AZIN2: variants seen among roughly 807,000 people sequenced by gnomAD.
AZIN2 encodes the protein ODC antizyme inhibitor-2.
A neutral mutation model predicts 47.8 loss-of-function variants in AZIN2; 28 were observed. The ratio of observed to expected loss-of-function variants is 0.59; its 90% CI spans 0.43 to 0.80. AZIN2 has a LOEUF of 0.80. AZIN2 is among the 30% of genes least tolerant of loss of function. The pLI is 0.00. For missense variants in AZIN2, 535 were observed against 582.5 expected, an observed-to-expected ratio of 0.92 and a Z score of 0.84; for synonymous variants, 221 against 239.4, an observed-to-expected ratio of 0.92 and a Z score of 0.71.
the AZIN2 span, among the ~76,000 whole-genome samples, chr1:33,154,434 C>T: frequency 4.6e-5 from 7 of 152,256 alleles, no homozygotes; most frequent in African/African-American, 1.4e-4. Flanking sequence ...GCCAGCTTCT[C>T]ATTCTCTCTT....
At chr1:33,101,605 A>G (rs761727195) in intron 10 of AZIN2, among the ~76,000 whole-genome samples, 2 of 150,646 alleles carry the variant, frequency 1.3e-5, no homozygotes, top group Non-Finnish European at 2.9e-5. Flanking sequence ...TTTTCCTTTT[A>G]GAGTAATAAG....
intron 10 of AZIN2, among the ~76,000 whole-genome samples, chr1:33,111,733 C>T (rs1177039326): frequency 2.0e-5 from 3 of 151,884 alleles, no homozygotes; most frequent in Non-Finnish European, 4.4e-5. Context: ...TCCCAGGTAG[C>T]TGGGTTTACA....
rs1346857709 is a variant in AZIN2 at position 33,081,879 on chromosome 1, C to T, written c.-73+67C>T. The stretch of plus-strand genomic sequence containing the variant: ...ACCCAAGTTTCTCAGATTTTCTGTT[C>T]CATCTCTCTCTCACTCTTTCCTGAA... On this transcript the variant is annotated intron_variant, in intron 3 of 11. Coordinates refer to ENST00000294517, the MANE Select transcript of AZIN2 (RefSeq NM_052998.4). The surrounding 1 kb of genome is among the most constrained non-coding windows in gnomAD (Gnocchi z 4.2). The T allele has an allele frequency of 3.8e-6, 1 of 265,634 alleles. No individual in the cohort carries two copies. Among genetic ancestry groups the T allele is most frequent in the Non-Finnish European group, 7.4e-6 (1 of 134,550 alleles). 16.5% of individuals were successfully genotyped at this position (265,634 alleles called of 1,614,324 possible).
chr1:33,111,962 A>G (rs2124637327), intron 10 of AZIN2, among the ~76,000 whole-genome samples: 1 of 152,318 alleles, frequency 6.6e-6, no homozygotes, highest in South Asian at 2.1e-4. Context: ...TAAGGAAAAA[A>G]GCAACCCAAT....
chr1:33,146,983 AAC>A, the AZIN2 span: 1 of 623,276 alleles, frequency 1.6e-6, no homozygotes, highest in Non-Finnish European at 2.8e-6. Flanking sequence ...AGAGCTACAG[AAC>A]ATCGATGCTG....
At chr1:33,098,989 C>A (rs111795128) in intron 10 of AZIN2, among the ~76,000 whole-genome samples, 1 of 151,808 alleles carries the variant, frequency 6.6e-6, no homozygotes, top group African/African-American at 2.4e-5. Context: ...GGTCTCTAAC[C>A]CTTGACCTCA....
chr1:33,159,674 C>T, the AZIN2 span: 61,208 of 1,594,072 alleles, frequency 0.038, 1,408 homozygotes, highest in Non-Finnish European at 0.046. This position sits in a 1 kb window ranked among gnomAD's most constrained non-coding sequence, Gnocchi z 4.2. Context: ...AGGGCCCCGG[C>T]GGGTGGCACT....
At chr1:33,150,687 C>G in the AZIN2 span, among the ~76,000 whole-genome samples, 2 of 152,272 alleles carry the variant, frequency 1.3e-5, no homozygotes, top group East Asian at 3.9e-4. Flanking sequence ...AACCAGGGGG[C>G]CCCTGCCTGG....
At chr1:33,083,927 C>G (rs1641578212) in intron 4 of AZIN2, 27 bp from the exon 5 acceptor site, 1 of 1,613,258 alleles carries the variant, frequency 6.2e-7, no homozygotes, top group African/African-American at 1.3e-5. Context: ...GATGGGGTCT[C>G]ACATTCATCC....
intron 10 of AZIN2, among the ~76,000 whole-genome samples, chr1:33,114,194 T>A (rs188020050): frequency 1.3e-5 from 2 of 151,904 alleles, no homozygotes; most frequent in Admixed American, 1.3e-4. Flanking sequence ...CGATCTCAGC[T>A]CACTGAAACC....
the AZIN2 span, among the ~76,000 whole-genome samples, chr1:33,147,896 A>G: frequency 1.9e-4 from 29 of 152,322 alleles, no homozygotes; most frequent in Non-Finnish European, 4.0e-4. The surrounding 1 kb of genome is among the most constrained non-coding windows in gnomAD (Gnocchi z 8.1). Context: ...CCTCCTCTGT[A>G]GAATGGAAGG....
At chr1:33,159,677 G>A in the AZIN2 span, 1 of 1,600,754 alleles carries the variant, frequency 6.2e-7, no homozygotes, top group Non-Finnish European at 8.5e-7. This position sits in a 1 kb window ranked among gnomAD's most constrained non-coding sequence, Gnocchi z 4.2. Context: ...GCCCCGGCGG[G>A]TGGCACTTAC....
intron 10 of AZIN2, among the ~76,000 whole-genome samples, chr1:33,098,946 T>A (rs1349810446): frequency 1.3e-5 from 2 of 151,634 alleles, no homozygotes; most frequent in Non-Finnish European, 2.9e-5. Context: ...GTATTTTTAG[T>A]AGAGGCGGGG....
chr1:33,159,000 C>A, the AZIN2 span, among the ~76,000 whole-genome samples: 1 of 152,008 alleles, frequency 6.6e-6, no homozygotes, highest in East Asian at 1.9e-4. Context: ...GCCACCACGC[C>A]CGGCTAATTT....
the AZIN2 span, chr1:33,147,126 C>A: frequency 3.8e-6 from 6 of 1,581,808 alleles, no homozygotes; most frequent in Admixed American, 1.7e-5. This position sits in a 1 kb window ranked among gnomAD's most constrained non-coding sequence, Gnocchi z 8.1. Flanking sequence ...CTGGGCAGGG[C>A]TCTTGCAGGT....
chr1:33,145,388 A>G, the AZIN2 span: 1 of 158,308 alleles, frequency 6.3e-6, no homozygotes, highest in East Asian at 1.9e-4. Context: ...GTCAAAATGA[A>G]TGGAACTGGC....
the AZIN2 span, chr1:33,165,554 C>T: frequency 6.2e-7 from 1 of 1,608,146 alleles, no homozygotes; most frequent in Non-Finnish European, 8.5e-7. This position sits in a 1 kb window ranked among gnomAD's most constrained non-coding sequence, Gnocchi z 4.0. Context: ...TGAAGTTGGT[C>T]CTTCAGCTCC....
chr1:33,147,482 T>C, the AZIN2 span: 1 of 1,613,046 alleles, frequency 6.2e-7, no homozygotes, highest in South Asian at 1.1e-5. This position sits in a 1 kb window ranked among gnomAD's most constrained non-coding sequence, Gnocchi z 8.1. Flanking sequence ...ATGCTGCCCT[T>C]GCGGCTTGCG....
At chr1:33,147,183 G>A in the AZIN2 span, 1 of 1,613,480 alleles carries the variant, frequency 6.2e-7, no homozygotes, top group Non-Finnish European at 8.5e-7. The surrounding 1 kb of genome is among the most constrained non-coding windows in gnomAD (Gnocchi z 8.1). Flanking sequence ...TGGACTAGAT[G>A]CGGACGGTGT....
Sources: allele counts gnomAD v4.1 joint callset (sites outside exome capture counted in the v4.1 genomes callset), GRCh38; gene constraint gnomAD v4.1.1; non-coding constraint Gnocchi (gnomAD v3.1); transcripts MANE v1.5; gene names NCBI Gene and HGNC (gene_info 2026-07-23, HGNC 2026-07-21).